DOCK7: variants seen among roughly 807,000 people sequenced by gnomAD.
The protein encoded by DOCK7 is dedicator of cytokinesis protein 7.
A neutral mutation model predicts 271.0 loss-of-function variants in DOCK7; 138 were observed. The ratio of observed to expected loss-of-function variants is 0.51; its 90% CI spans 0.44 to 0.59. The LOEUF is 0.59. Ranked by LOEUF, DOCK7 falls within the 20% of genes least tolerant of loss-of-function variation. The probability of loss-of-function intolerance (pLI) is 0.00; values close to 1 mark genes in which losing one functional copy is unlikely to be tolerated. For missense variants in DOCK7, 2,066 were observed against 2,592.4 expected (o/e 0.80, Z 4.41); for synonymous variants, 823 against 876.1 (o/e 0.94, Z 1.07).
Position 62,475,542 on chromosome 1 carries a change from T to A in DOCK7, c.5961+165A>T, listed in dbSNP as rs375846015. 7.0e-5 allele frequency: 75 copies of A among 1,071,614 alleles called. No individual in the cohort carries two copies. The East Asian group carries it at 1.1e-3, about 16-fold the overall frequency. 66.4% of individuals were successfully genotyped at this position (1,071,614 alleles called of 1,614,324 possible). ...TTTAAAGAAAAAGCTGGGGGTGAATTAGGGTCTTAGAAAAGAAGTAAAAAA... is the reference window on the plus strand; with the variant it reads ...TTTAAAGAAAAAGCTGGGGGTGAATAAGGGTCTTAGAAAAGAAGTAAAAAA... On this transcript the variant is annotated intron_variant, in intron 46 of 49. Coordinates refer to ENST00000635253, the MANE Select transcript of DOCK7 (RefSeq NM_001367561.1).
intron 18 of DOCK7, among the ~76,000 whole-genome samples, chr1:62,575,060 T>C: frequency 6.6e-6 from 1 of 152,114 alleles, no homozygotes; most frequent in East Asian, 1.9e-4. Flanking sequence ...AGATGGGGTC[T>C]TGCTATGTTT....
At chr1:62,538,341 C>A (rs535054501) in intron 27 of DOCK7, among the ~76,000 whole-genome samples, 1 of 152,090 alleles carries the variant, frequency 6.6e-6, no homozygotes, top group Non-Finnish European at 1.5e-5. Context: ...ACAGGGAAAA[C>A]GTATATCACC....
intron 48 of DOCK7, among the ~76,000 whole-genome samples, chr1:62,468,029 G>GA (rs1645725560): frequency 6.6e-6 from 1 of 152,078 alleles, no homozygotes; most frequent in African/African-American, 2.4e-5. Flanking sequence ...CACAGATGCA[G>GA]AAAAAGCAAA....
intron 18 of DOCK7, among the ~76,000 whole-genome samples, chr1:62,575,284 C>G (rs1646911781): frequency 6.6e-6 from 1 of 152,094 alleles, no homozygotes; most frequent in African/African-American, 2.4e-5. Flanking sequence ...GCCTGCTTCC[C>G]CTTCCACCTC....
At chr1:62,468,059 T>C (rs1388725792) in intron 48 of DOCK7, among the ~76,000 whole-genome samples, 2 of 152,120 alleles carry the variant, frequency 1.3e-5, no homozygotes, top group Admixed American at 6.5e-5. Flanking sequence ...CCAGCACCCC[T>C]TGATGATTAA....
At chr1:62,469,694 C>T (rs1025821631) in intron 48 of DOCK7, among the ~76,000 whole-genome samples, 1 of 152,104 alleles carries the variant, frequency 6.6e-6, no homozygotes, top group African/African-American at 2.4e-5. Flanking sequence ...CCAGAATCTA[C>T]AATGAACTCA....
At chr1:62,541,224 C>A (rs1403784129) in intron 25 of DOCK7, among the ~76,000 whole-genome samples, 1 of 151,916 alleles carries the variant, frequency 6.6e-6, no homozygotes, top group African/African-American at 2.4e-5. Context: ...CTGCTACCTA[C>A]AAGCTGTGCA....
rs774275274 is a variant in DOCK7 at position 62,542,647 on chromosome 1, T to C, written c.3006A>G (p.Glu1002=). The change falls in exon 25 of 50, where the codon GAA becomes GAG. Residue 1002 remains glutamate (E), a synonymous_variant. Coordinates refer to ENST00000635253, the MANE Select transcript of DOCK7 (RefSeq NM_001367561.1). ...AGAACCAGGCTTGTTGCAAAGCTGA[T>C]TCCCGAACGCTGCCACTGCAAACAA... The part of the protein sequence containing the change: ...QWVVCSGSVR[E]SALQQAWFFF... The C allele has an allele frequency of 1.1e-5, 17 of 1,613,214 alleles. No homozygotes were observed. In the East Asian group the frequency reaches 1.6e-4, roughly 15 times the overall value.
chr1:62,647,828 C>A, intron 6 of DOCK7, 52 bp from the exon 7 acceptor site: 1 of 1,327,664 alleles, frequency 7.5e-7, no homozygotes, highest in East Asian at 2.3e-5. Context: ...TATTCCAACT[C>A]TTTATCTTTT....
Position 62,496,986 on chromosome 1 carries a change from T to A in DOCK7, c.4765-489A>T, listed in dbSNP as rs185747547. ...TTTAACAGTTTATAACTTACATTCT[T>A]CCTTTTTTTAGTGTAAATTCATTTC... is the stretch of plus-strand genomic sequence containing the variant. On this transcript the variant is annotated intron_variant, in intron 37 of 49. Coordinates refer to ENST00000635253, the MANE Select transcript of DOCK7 (RefSeq NM_001367561.1). Among the ~76,000 whole-genome samples, 5 of 152,278 alleles carry A rather than the reference T, an allele frequency of 3.3e-5. No homozygotes were observed. In the East Asian group the frequency reaches 7.7e-4, roughly 23 times the overall value.
intron 29 of DOCK7, among the ~76,000 whole-genome samples, chr1:62,532,085 T>A (rs1645192153): frequency 6.6e-6 from 1 of 152,160 alleles, no homozygotes; most frequent in South Asian, 2.1e-4. Context: ...CTCTGTTGTC[T>A]AGGCTGTGGC....
chr1:62,495,697 A>C lies in DOCK7; in HGVS notation c.4924-16T>G. On this transcript the variant is annotated splice_polypyrimidine_tract_variant and intron_variant, in intron 38 of 49. Transcript: ENST00000635253. ...GATCCTGGACCTGCAGCAGAGAATT[A>C]TATGAAAAACATTCTTGAATTGTCA... The C allele has an allele frequency of 3.2e-6, 5 of 1,556,866 alleles. No homozygotes were observed. Among genetic ancestry groups the C allele is most frequent in the Non-Finnish European group, 4.3e-6 (5 of 1,154,540 alleles).
At chr1:62,606,530 T>A (rs1192369587) in intron 14 of DOCK7, among the ~76,000 whole-genome samples, 1 of 152,172 alleles carries the variant, frequency 6.6e-6, no homozygotes, top group African/African-American at 2.4e-5. Flanking sequence ...TTGTCTAATC[T>A]AAGTCTAATC....
chr1:62,586,889 A>G (rs1208994461), intron 14 of DOCK7, among the ~76,000 whole-genome samples: 6 of 152,158 alleles, frequency 3.9e-5, no homozygotes, highest in African/African-American at 1.4e-4. Flanking sequence ...TGAGTGACAA[A>G]GCTGAAATCA....
intron 18 of DOCK7, among the ~76,000 whole-genome samples, chr1:62,567,599 T>C (rs1296251466): frequency 1.3e-5 from 2 of 152,036 alleles, no homozygotes; most frequent in Non-Finnish European, 2.9e-5. Flanking sequence ...CTAATGTAGG[T>C]GACAGGTTTA....
intron 1 of DOCK7, among the ~76,000 whole-genome samples, chr1:62,681,467 TG>T: frequency 6.7e-6 from 1 of 149,662 alleles, no homozygotes; most frequent in East Asian, 2.0e-4. Flanking sequence ...CACACCAACA[TG>T]GCGCATGTAT....
chr1:62,489,160 T>C, intron 41 of DOCK7, 95 bp from the exon 42 acceptor site: 1 of 1,239,754 alleles, frequency 8.1e-7, no homozygotes, highest in Non-Finnish European at 1.1e-6. Flanking sequence ...ATTAAGATAA[T>C]ACACTGAGGC....
intron 1 of DOCK7, 69 bp downstream of exon 1, chr1:62,688,158 C>T: frequency 7.9e-7 from 1 of 1,269,784 alleles, no homozygotes; most frequent in Admixed American, 3.9e-5. Context: ...CCTCCTAGGC[C>T]AGGCCTGGGA....
intron 48 of DOCK7, among the ~76,000 whole-genome samples, chr1:62,468,052 G>GT (rs1645726043): frequency 6.6e-6 from 1 of 152,020 alleles, no homozygotes; most frequent in Non-Finnish European, 1.5e-5. Flanking sequence ...ACAAAATCCA[G>GT]CACCCCTTGA....
Sources: gnomAD v4.1 joint callset for allele counts (sites outside exome capture counted in the v4.1 genomes callset) on GRCh38, gnomAD v4.1.1 for gene constraint, MANE v1.5 for transcripts, NCBI Gene and HGNC (gene_info 2026-07-23, HGNC 2026-07-21) for gene names.